AP3D1: variants seen among roughly 807,000 people sequenced by gnomAD.
The protein encoded by AP3D1 is AP-3 complex subunit delta-1.
A neutral mutation model predicts 147.6 loss-of-function variants in AP3D1; 51 were observed. The ratio of observed to expected loss-of-function variants is 0.35; its 90% CI spans 0.28 to 0.44. The LOEUF (loss-of-function observed/expected upper bound fraction) is 0.44. AP3D1 is among the 20% of genes least tolerant of loss of function. AP3D1 has a pLI of 1.00. For missense variants in AP3D1, 1,421 were observed against 1,624.2 expected, an observed-to-expected ratio of 0.87 and a Z score of 2.15; for synonymous variants, 760 against 663.0, an observed-to-expected ratio of 1.15 and a Z score of -2.25.
chr19:2,132,818 G>C (rs1352317610), intron 4 of AP3D1, among the ~76,000 whole-genome samples: 3 of 152,212 alleles, frequency 2.0e-5, no homozygotes, highest in Non-Finnish European at 2.9e-5. Context: ...AGCCGGGATG[G>C]GCGCGGCTGG....
rs773519046 is a variant in AP3D1, at chr19:2,121,785, G to A, written c.1050C>T (p.Asp350=). 34 of 1,612,976 alleles carry A rather than the reference G, an allele frequency of 2.1e-5. No individual in the cohort carries two copies. Among genetic ancestry groups the A allele is most frequent in the South Asian group, 5.5e-5 (5 of 90,988 alleles). Residue 350 remains aspartate, a synonymous_variant, in exon 12 of 32, where the codon GAC becomes GAT. Transcript: ENST00000643116. The part of the protein sequence containing the change: ...SHKDLILQCL[D]DKDESIRLRA... Reference sequence around the variant, plus strand: ...GCAGCCGGATGGACTCGTCCTTGTCGTCCAGGCACTGCAGGATGAGGTCCT... The same window carrying A: ...GCAGCCGGATGGACTCGTCCTTGTCATCCAGGCACTGCAGGATGAGGTCCT...
intron 14 of AP3D1, among the ~76,000 whole-genome samples, chr19:2,120,015 C>T (rs2018566333): frequency 6.6e-6 from 1 of 151,882 alleles, no homozygotes; most frequent in South Asian, 2.1e-4. Flanking sequence ...TGGCTGGGGA[C>T]CCTTTCGGGA....
At chr19:2,118,207 G>C (rs2018511616) in intron 15 of AP3D1, among the ~76,000 whole-genome samples, 1 of 152,146 alleles carries the variant, frequency 6.6e-6, no homozygotes, top group Admixed American at 6.5e-5. Context: ...AGACACCTGG[G>C]AAGTGGTGGG....
At position 2,121,421 on chromosome 19, in the gene AP3D1, C is replaced by T. The variant is rs371752232; in HGVS notation, c.1102-110G>A. ...AGAATCCACGGGACACAGGCGGACCCGGATTCACAGATCGATGCCAGGGAG... is the reference window on the plus strand; with the variant it reads ...AGAATCCACGGGACACAGGCGGACCTGGATTCACAGATCGATGCCAGGGAG... On this transcript the variant is annotated intron_variant, in intron 12 of 31. Transcript: ENST00000643116. 104 of 1,380,568 alleles carry T rather than the reference C, an allele frequency of 7.5e-5. No individual in the cohort carries two copies. The African/African-American group carries it at 9.0e-4, about 12-fold the overall frequency. 85.5% of individuals were successfully genotyped at this position (1,380,568 alleles called of 1,614,324 possible).
chr19:2,159,224 T>C (rs1321190915), intron 1 of AP3D1, among the ~76,000 whole-genome samples: 1 of 149,792 alleles, frequency 6.7e-6, no homozygotes, highest in Non-Finnish European at 1.5e-5. Context: ...TCTCTCTCTT[T>C]TTTTTTTTTT....
chr19:2,104,628 G>A (rs192964926), intron 31 of AP3D1, among the ~76,000 whole-genome samples: 20 of 150,630 alleles, frequency 1.3e-4, no homozygotes, highest in East Asian at 1.2e-3. Context: ...GGCCATCAGC[G>A]TACCAAGGTG....
At chr19:2,103,646 G>T (rs1020624733) in intron 31 of AP3D1, among the ~76,000 whole-genome samples, 2 of 152,208 alleles carry the variant, frequency 1.3e-5, no homozygotes, top group African/African-American at 4.8e-5. Context: ...ACTGACAGGA[G>T]AGGCTGGGCA....
chr19:2,132,113 G>T (rs187589666), intron 5 of AP3D1, among the ~76,000 whole-genome samples: 43 of 152,254 alleles, frequency 2.8e-4, no homozygotes, highest in African/African-American at 8.4e-4. Context: ...TGGCAAGGAG[G>T]AGTCAAGCTG....
chr19:2,114,268 T>G lies in AP3D1; in HGVS notation c.2458A>C (p.Lys820Gln). 1 of 1,612,806 alleles carries G rather than the reference T, an allele frequency of 6.2e-7. No homozygotes were observed. The highest frequency in any genetic ancestry group is 2.2e-5 in the East Asian group (1 of 44,862). The change falls in exon 22 of 32, where the codon AAA becomes CAA. Residue 820 changes from lysine (K) to glutamine (Q), a missense_variant. Coordinates refer to ENST00000643116, the MANE Select transcript of AP3D1 (RefSeq NM_001261826.3). ...LADSEKLPIQ[K>Q]HRNTETSKSP... is the part of the protein sequence containing the mutation. ...TTTGAGGTCTCGGTGTTTCTGTGTTTCTGAATAGGCAGTTTCTCGCTGTCG... is the reference window on the plus strand; with the variant it reads ...TTTGAGGTCTCGGTGTTTCTGTGTTGCTGAATAGGCAGTTTCTCGCTGTCG...
chr19:2,115,512 G>T (rs181649921), intron 19 of AP3D1, 26 bp downstream of exon 19: 1 of 1,611,846 alleles, frequency 6.2e-7, no homozygotes, highest in Non-Finnish European at 8.5e-7. Flanking sequence ...TGACAAATGC[G>T]GCGCCGACAC....
At chr19:2,134,302 TC>T (rs2019022921) in intron 4 of AP3D1, among the ~76,000 whole-genome samples, 1 of 151,722 alleles carries the variant, frequency 6.6e-6, no homozygotes, top group Admixed American at 6.6e-5. Context: ...ATGCCTGCAG[TC>T]CCAGCTACTC....
intron 9 of AP3D1, among the ~76,000 whole-genome samples, chr19:2,124,585 G>A (rs2018700323): frequency 6.6e-6 from 1 of 152,210 alleles, no homozygotes; most frequent in Non-Finnish European, 1.5e-5. Flanking sequence ...GTGTGCGTGT[G>A]CATGTGTTTT....
upstream of AP3D1, among the ~76,000 whole-genome samples, chr19:2,155,296 G>C (rs557338258): frequency 2.0e-5 from 3 of 152,152 alleles, no homozygotes; most frequent in East Asian, 5.8e-4. Context: ...AGGAGGCAGA[G>C]GTTGCAGTGA....
chr19:2,147,570 A>G (rs1335852207), intron 1 of AP3D1, among the ~76,000 whole-genome samples: 2 of 150,040 alleles, frequency 1.3e-5, no homozygotes, highest in African/African-American at 2.4e-5. Context: ...AAAAAACAAG[A>G]AGAAGAAAAA....
chr19:2,142,375 C>G (rs2019245172), intron 1 of AP3D1, among the ~76,000 whole-genome samples: 1 of 151,472 alleles, frequency 6.6e-6, no homozygotes, highest in African/African-American at 2.4e-5. Context: ...GTCTTGAACT[C>G]CTGGCCTCAA....
upstream of AP3D1, among the ~76,000 whole-genome samples, chr19:2,152,547 A>C (rs1380518105): frequency 6.6e-6 from 1 of 150,710 alleles, no homozygotes; most frequent in African/African-American, 2.4e-5. Context: ...GTCTAAAAAA[A>C]AAAGAGAGGG....
At position 2,110,888 on chromosome 19, in the gene AP3D1, G is replaced by A. The variant is rs749888438; in HGVS notation, c.2994C>T (p.Asp998=). 8 of 1,612,828 alleles carry A rather than the reference G, an allele frequency of 5.0e-6. No homozygotes were observed. In the South Asian group the frequency reaches 7.7e-5, roughly 15 times the overall value. The part of the protein sequence containing the change: ...AENSYVKMTC[D]IRGSLQEDSQ... ...TGTCCTCCTGCAGACTGCCCCGGAT[G>A]TCACAGGTCTGCAGGGCATGGCCAG... Residue 998 remains aspartate, a synonymous_variant, in exon 27 of 32, where the codon GAC becomes GAT. Transcript: ENST00000643116.
In AP3D1 at chr19:2,121,815, G is replaced by A. The variant is rs2018620303; in HGVS notation, c.1020C>T (p.Ser340=). ...GGCACTGCAGGATGAGGTCCTTGTG[G>A]GACTGCACGGACTTGGGGTGGGTCT... The part of the protein sequence containing the change: ...ILKTHPKSVQ[S]HKDLILQCLD... Residue 340 remains serine, a synonymous_variant, in exon 12 of 32, where the codon TCC becomes TCT. Transcript: ENST00000643116. 6.2e-7 allele frequency: 1 copy of A among 1,612,862 alleles called. No individual in the cohort carries two copies. Among genetic ancestry groups the A allele is most frequent in the Non-Finnish European group, 8.5e-7 (1 of 1,179,614 alleles).
intron 1 of AP3D1, among the ~76,000 whole-genome samples, chr19:2,145,963 G>T (rs1012719911): frequency 2.0e-5 from 3 of 152,238 alleles, no homozygotes; most frequent in Admixed American, 6.5e-5. Flanking sequence ...CCCCAGCCCT[G>T]CTGGTGGTGC....
Sources: allele counts gnomAD v4.1 joint callset (sites outside exome capture counted in the v4.1 genomes callset), GRCh38; gene constraint gnomAD v4.1.1; transcripts MANE v1.5; gene names NCBI Gene and HGNC (gene_info 2026-07-23, HGNC 2026-07-21).